The following PBX3 variants were observed in gnomAD, a reference collection of about 807,000 sequenced individuals.
PBX3 encodes PBX homeobox 3.
Under a neutral mutation model 48.5 loss-of-function variants are expected in PBX3, and 14 were observed. That is an observed-to-expected ratio of 0.29 (90% CI 0.19 to 0.45). The LOEUF is 0.45. Among genes scored for constraint, PBX3 ranks in the 20% least tolerant of loss-of-function variants. PBX3 has a pLI of 1.00. For missense variants in PBX3, 386 were observed against 546.7 expected (o/e 0.71, Z 2.93); for synonymous variants, 210 against 200.3 (o/e 1.05, Z -0.41).
intron 2 of PBX3, among the ~76,000 whole-genome samples, chr9:125,824,353 A>T (rs560149552): frequency 1.3e-5 from 2 of 152,204 alleles, no homozygotes; most frequent in African/African-American, 4.8e-5. Flanking sequence ...GGAATGAAGA[A>T]TCTTAACCAG....
At chr9:125,803,091 C>CTTTTTTTTT (rs59714151) in intron 2 of PBX3, among the ~76,000 whole-genome samples, 1 of 108,920 alleles carries the variant, frequency 9.2e-6, no homozygotes, top group Non-Finnish European at 1.9e-5. Context: ...CCACTAATGT[C>CTTTTTTTTT]TTTTTTTTTT....
intron 1 of PBX3, 66 bp from the exon 2 acceptor site, chr9:125,748,484 A>G: frequency 6.3e-7 from 1 of 1,579,678 alleles, no homozygotes; most frequent in Admixed American, 1.7e-5. Flanking sequence ...GTCTAACTTA[A>G]AGGAAGGCGC....
chr9:125,758,827 T>TA (rs57746660), intron 2 of PBX3, among the ~76,000 whole-genome samples: 8,767 of 152,126 alleles, frequency 0.058, 576 homozygotes, highest in East Asian at 0.17. Context: ...TGCATTTCTT[T>TA]AAAAAAAATT....
chr9:125,964,512 C>CTTT (rs3051317), intron 8 of PBX3, among the ~76,000 whole-genome samples: 4,518 of 146,602 alleles, frequency 0.031, 231 homozygotes, highest in African/African-American at 0.096. Context: ...ACCACCATAG[C>CTTT]TTTTTTTTTT....
chr9:125,822,522 T>C (rs1838682687), intron 2 of PBX3, among the ~76,000 whole-genome samples: 1 of 152,182 alleles, frequency 6.6e-6, no homozygotes, highest in Non-Finnish European at 1.5e-5. Flanking sequence ...TTGTAAATAA[T>C]ACTCTTTCTT....
At chr9:125,918,797 A>G (rs1044197357) in intron 3 of PBX3, among the ~76,000 whole-genome samples, 1 of 152,210 alleles carries the variant, frequency 6.6e-6, no homozygotes, top group Admixed American at 6.5e-5. Context: ...GTAGTTCTCC[A>G]AAGTTATTAG....
chr9:125,795,905 A>T (rs1002199899), intron 2 of PBX3, among the ~76,000 whole-genome samples: 1 of 152,200 alleles, frequency 6.6e-6, no homozygotes, highest in Non-Finnish European at 1.5e-5. Context: ...AGTTGTACAT[A>T]TATTGAGAAG....
chr9:125,800,287 G>C (rs919759689), intron 2 of PBX3, among the ~76,000 whole-genome samples: 22 of 152,168 alleles, frequency 1.4e-4, no homozygotes, highest in Non-Finnish European at 4.4e-5. Context: ...AATTAAGCCA[G>C]TCACAGATTC....
intron 5 of PBX3, among the ~76,000 whole-genome samples, chr9:125,957,883 G>C (rs936250524): frequency 2.6e-5 from 4 of 152,184 alleles, no homozygotes; most frequent in Non-Finnish European, 5.9e-5. Context: ...GTCTTAGTCA[G>C]AAACGCTAGA....
chr9:125,910,419 C>A (rs1841176177), intron 2 of PBX3, among the ~76,000 whole-genome samples: 1 of 151,918 alleles, frequency 6.6e-6, no homozygotes, highest in African/African-American at 2.4e-5. Context: ...CTCTTTATGG[C>A]CAGTGATTAT....
chr9:125,795,243 T>C (rs755061740), intron 2 of PBX3, among the ~76,000 whole-genome samples: 1 of 152,216 alleles, frequency 6.6e-6, no homozygotes, highest in Non-Finnish European at 1.5e-5. Context: ...CTGAGGTGCA[T>C]TGTCTTATAG....
At chr9:125,785,288 T>G (rs1837429267) in intron 2 of PBX3, among the ~76,000 whole-genome samples, 3 of 152,120 alleles carry the variant, frequency 2.0e-5, no homozygotes, top group African/African-American at 4.8e-5. Flanking sequence ...AACATTTGAG[T>G]CAGTGGCCTG....
At chr9:125,810,993 T>C (rs1035215137) in intron 2 of PBX3, among the ~76,000 whole-genome samples, 1 of 152,202 alleles carries the variant, frequency 6.6e-6, no homozygotes. Context: ...CTGGGGATCC[T>C]GTAAGCTCCC....
At chr9:125,901,757 GCAA>G (rs202087421) in intron 2 of PBX3, among the ~76,000 whole-genome samples, 1 of 151,612 alleles carries the variant, frequency 6.6e-6, no homozygotes, top group Non-Finnish European at 1.5e-5. Flanking sequence ...AACAACAACA[GCAA>G]CAACAAAAAC....
intron 2 of PBX3, among the ~76,000 whole-genome samples, chr9:125,897,018 AGGTTTC>A (rs1840785225): frequency 6.6e-6 from 1 of 151,828 alleles, no homozygotes; most frequent in East Asian, 1.9e-4. Flanking sequence ...ATTGTTTAAA[AGGTTTC>A]AATAGTTAAA....
At chr9:125,748,523 C>T (rs751713313) in intron 1 of PBX3, 27 bp from the exon 2 acceptor site, 4 of 1,611,088 alleles carry the variant, frequency 2.5e-6, no homozygotes, top group Admixed American at 1.7e-5. Flanking sequence ...ATGCTAATAC[C>T]TTTGTGTTTC....
intron 7 of PBX3, among the ~76,000 whole-genome samples, chr9:125,962,506 G>A (rs910316817): frequency 1.4e-4 from 21 of 152,332 alleles, no homozygotes; most frequent in African/African-American, 4.6e-4. Flanking sequence ...AAAATTGAGT[G>A]TGCCAGTGTG....
At chr9:125,756,181 C>T (rs1437128596) in intron 2 of PBX3, among the ~76,000 whole-genome samples, 3 of 152,070 alleles carry the variant, frequency 2.0e-5, no homozygotes, top group Non-Finnish European at 2.9e-5. Flanking sequence ...TTTATACAAC[C>T]TGTGGAATTT....
chr9:125,762,649 T>C (rs1836700745), intron 2 of PBX3, among the ~76,000 whole-genome samples: 1 of 152,208 alleles, frequency 6.6e-6, no homozygotes, highest in Non-Finnish European at 1.5e-5. Flanking sequence ...AGGCAAATAA[T>C]TCTTATTGGC....
Sources: gnomAD v4.1 joint callset for allele counts (sites outside exome capture counted in the v4.1 genomes callset) on GRCh38, gnomAD v4.1.1 for gene constraint, MANE v1.5 for transcripts, NCBI Gene and HGNC (gene_info 2026-07-23, HGNC 2026-07-21) for gene names.